Variants in SNRPD3 observed in about 807,000 individuals in gnomAD.
The protein encoded by SNRPD3 is small nuclear ribonucleoprotein Sm D3.
For missense variants in SNRPD3, 73 were observed against 167.5 expected, an observed-to-expected ratio of 0.44 and a Z score of 3.11; for synonymous variants, 66 against 58.4, an observed-to-expected ratio of 1.13 and a Z score of -0.59.
At chr22:24,566,157 A>G (rs2045194841) in intron 2 of SNRPD3, among the ~76,000 whole-genome samples, 1 of 152,192 alleles carries the variant, frequency 6.6e-6, no homozygotes, top group Non-Finnish European at 1.5e-5. Context: ...CAGAAGGTTT[A>G]TGAGAAACTG....
chr22:24,563,306 AT>A (rs139630564), intron 2 of SNRPD3, among the ~76,000 whole-genome samples: 7,658 of 65,120 alleles, frequency 0.12, 295 homozygotes, highest in African/African-American at 0.22. Context: ...ATATATATAT[AT>A]TTTTTTTTTT....
chr22:24,558,486 C>T (rs1340050371), intron 2 of SNRPD3, among the ~76,000 whole-genome samples: 2 of 152,060 alleles, frequency 1.3e-5, no homozygotes, highest in Non-Finnish European at 2.9e-5. Context: ...GGGTTTGAAT[C>T]CTAATTATAT....
chr22:24,563,794 G>A (rs1162929300), intron 2 of SNRPD3, among the ~76,000 whole-genome samples: 1 of 152,052 alleles, frequency 6.6e-6, no homozygotes, highest in Non-Finnish European at 1.5e-5. Flanking sequence ...GTTGGCTTTG[G>A]CATATAATAG....
intron 1 of SNRPD3, among the ~76,000 whole-genome samples, chr22:24,557,443 C>T (rs1189819479): frequency 6.6e-6 from 1 of 151,958 alleles, no homozygotes; most frequent in South Asian, 2.1e-4. Context: ...CTGTCCATCC[C>T]ATCATTCCTC....
chr22:24,567,880 C>T, intron 2 of SNRPD3, 104 bp from the exon 3 acceptor site: 1 of 820,698 alleles, frequency 1.2e-6, no homozygotes, highest in Non-Finnish European at 2.0e-6. Context: ...AGCTTTGTCA[C>T]AATGTCAGTC....
intron 2 of SNRPD3, among the ~76,000 whole-genome samples, chr22:24,562,319 A>G (rs899098483): frequency 3.3e-5 from 5 of 152,208 alleles, no homozygotes; most frequent in Admixed American, 6.5e-5. Context: ...AGGCGGGCAG[A>G]TCACGAGGTC....
In SNRPD3 at chr22:24,573,830, AT is replaced by A. The variant is rs540061118; in HGVS notation, c.*1854del. 3.2e-4 allele frequency among the ~76,000 whole-genome samples: 48 copies of A among 152,320 alleles called. 3 individuals carry two copies. The South Asian group carries it at 9.5e-3, about 30-fold the overall frequency. ...CAGGAGATTAAGGCTGCAGTGAGCT[AT>A]AATTGCACCACTGCACTCCAGCCTG... is the stretch of plus-strand genomic sequence containing the variant. On this transcript the variant is annotated 3_prime_UTR_variant, in exon 4 of 4. Coordinates refer to ENST00000215829, the MANE Select transcript of SNRPD3 (RefSeq NM_004175.5).
chr22:24,570,482 AGACCAGCCTG>A (rs1361724702), intron 3 of SNRPD3, among the ~76,000 whole-genome samples: 1 of 152,150 alleles, frequency 6.6e-6, no homozygotes, highest in Non-Finnish European at 1.5e-5. Flanking sequence ...CAGGAGTTCG[AGACCAGCCTG>A]GCCAACACAG....
intron 2 of SNRPD3, among the ~76,000 whole-genome samples, chr22:24,559,665 T>G (rs1200077383): frequency 1.3e-5 from 2 of 152,108 alleles, no homozygotes; most frequent in East Asian, 3.9e-4. Context: ...GCTTTGGACC[T>G]CCTTCATCCT....
In SNRPD3 at chr22:24,556,016, C is replaced by T. The variant is rs1363165911; in HGVS notation, c.-74C>T. 3.1e-5 allele frequency: 20 copies of T among 635,276 alleles called. No homozygotes were observed. Among genetic ancestry groups the T allele is most frequent in the Middle Eastern group, 4.2e-4 (1 of 2,368 alleles). The allele number at this position is 635,276 out of a possible 1,614,324, so 39.4% of individuals were successfully genotyped here. Reference sequence around the variant, plus strand: ...GGCCCGCCATTCGCTTGACTCACGCCTTCGCCGTAGCATCTTTCGCAGCGG... The same window carrying T: ...GGCCCGCCATTCGCTTGACTCACGCTTTCGCCGTAGCATCTTTCGCAGCGG... On this transcript the variant is annotated 5_prime_UTR_variant, in exon 1 of 4. Coordinates refer to ENST00000215829, the MANE Select transcript of SNRPD3 (RefSeq NM_004175.5).
chr22:24,570,466 C>T (rs1438170733), intron 3 of SNRPD3, among the ~76,000 whole-genome samples: 1 of 152,072 alleles, frequency 6.6e-6, no homozygotes, highest in African/African-American at 2.4e-5. Flanking sequence ...GGGCAGATCA[C>T]GAGGTCAGGA....
intron 2 of SNRPD3, among the ~76,000 whole-genome samples, chr22:24,560,562 A>G (rs555273936): frequency 6.3e-4 from 92 of 146,360 alleles, no homozygotes; most frequent in Non-Finnish European, 1.2e-3. Flanking sequence ...CTCATGCCTC[A>G]GCCTCCTGAG....
At position 24,572,016 on chromosome 22, in the gene SNRPD3, A is replaced by C. The variant is rs750305886; in HGVS notation, c.*39A>C. On this transcript the variant is annotated 3_prime_UTR_variant, in exon 4 of 4. Coordinates refer to ENST00000215829, the MANE Select transcript of SNRPD3 (RefSeq NM_004175.5). ...ACAGAACTTTGTCCTTTTTTCTTTC[A>C]GGTTATCTGAGTTCATTGGAGTGGG... is the stretch of plus-strand genomic sequence containing the variant. The C allele has an allele frequency of 4.3e-6, 7 of 1,611,452 alleles. No individual in the cohort carries two copies. In the East Asian group the frequency reaches 1.3e-4, roughly 31 times the overall value.
rs370350249 is a variant in SNRPD3, at chr22:24,574,836, C to CATTATCTT, written c.*2860_*2867dup. Among the ~76,000 whole-genome samples the CATTATCTT allele has an allele frequency of 5.7e-4, 87 of 152,290 alleles. 1 individual carries two copies. The highest frequency in any genetic ancestry group is 2.0e-3 in the African/African-American group (82 of 41,550). On this transcript the variant is annotated 3_prime_UTR_variant, in exon 4 of 4. Coordinates refer to ENST00000215829, the MANE Select transcript of SNRPD3 (RefSeq NM_004175.5). ...GGTGTGAGCCACTGCACCCGGCCACCATTATCTTTTGAATCCTCTCTTCCT... is the reference window on the plus strand; with the variant it reads ...GGTGTGAGCCACTGCACCCGGCCACCATTATCTTATTATCTTTTGAATCCTCTCTTCCT...
At chr22:24,563,394 G>A (rs1378845442) in intron 2 of SNRPD3, among the ~76,000 whole-genome samples, 1 of 151,846 alleles carries the variant, frequency 6.6e-6, no homozygotes, top group African/African-American at 2.4e-5. Context: ...GTCAGAGGGT[G>A]TGCATCTGAG....
At chr22:24,558,057 A>G (rs970602366) in intron 2 of SNRPD3, 7 of 289,092 alleles carry the variant, frequency 2.4e-5, no homozygotes, top group African/African-American at 1.6e-4. Context: ...ATCCCCAAAT[A>G]TGGGGGTCTA....
chr22:24,555,995 C>G, upstream of SNRPD3: 1 of 684,154 alleles, frequency 1.5e-6, no homozygotes, highest in Non-Finnish European at 2.4e-6. Context: ...GTGTTAGGCC[C>G]GCCATTCGCT....
chr22:24,562,653 G>A (rs887031982), intron 2 of SNRPD3, among the ~76,000 whole-genome samples: 1 of 152,194 alleles, frequency 6.6e-6, no homozygotes, highest in Admixed American at 6.5e-5. Context: ...AGTTCAGGCT[G>A]CATTAAGCTC....
At chr22:24,569,964 G>A (rs772983908) in intron 3 of SNRPD3, among the ~76,000 whole-genome samples, 24 of 152,356 alleles carry the variant, frequency 1.6e-4, no homozygotes, top group Middle Eastern at 3.4e-3. Context: ...CAGCTGTCCC[G>A]AAGCTCCCCT....
Sources: allele counts gnomAD v4.1 joint callset (sites outside exome capture counted in the v4.1 genomes callset), GRCh38; gene constraint gnomAD v4.1.1; transcripts MANE v1.5; gene names NCBI Gene and HGNC (gene_info 2026-07-23, HGNC 2026-07-21).